MAPK10: variants seen among roughly 807,000 people sequenced by gnomAD.
MAPK10 encodes mitogen-activated protein kinase 10.
MAPK10 carries 25 observed loss-of-function variants against 59.3 expected under a neutral mutation model. The ratio of observed to expected loss-of-function variants is 0.42; its 90% confidence interval spans 0.31 to 0.59. The LOEUF is 0.59. MAPK10 is among the 20% of genes least tolerant of loss of function. MAPK10 has a pLI of 0.15. For synonymous variants in MAPK10, 190 were observed against 200.5 expected (o/e 0.95, Z 0.44); for missense variants, 351 against 568.9 (o/e 0.62, Z 3.90).
intron 1 of MAPK10, among the ~76,000 whole-genome samples, chr4:86,508,077 T>G (rs1421710300): frequency 6.6e-6 from 1 of 152,154 alleles, no homozygotes; most frequent in Non-Finnish European, 1.5e-5. Context: ...TTGTCTTCTT[T>G]TACCCTCCTG....
At chr4:86,259,613 A>C (rs1219350133) in intron 2 of MAPK10, among the ~76,000 whole-genome samples, 1 of 152,152 alleles carries the variant, frequency 6.6e-6, no homozygotes, top group African/African-American at 2.4e-5. Context: ...TATTTATGAT[A>C]GATCAAAGAA....
chr4:86,158,869 G>A (rs4499692), intron 4 of MAPK10, among the ~76,000 whole-genome samples: 12,881 of 151,912 alleles, frequency 0.085, 1,213 homozygotes, highest in African/African-American at 0.23. Context: ...TTCAAACACT[G>A]AATTTGAAAA....
At chr4:86,024,184 C>A (rs1027043345) in intron 13 of MAPK10, 1 of 151,912 alleles carries the variant, frequency 6.6e-6, no homozygotes, top group African/African-American at 2.4e-5. Flanking sequence ...AAATAAGGCT[C>A]CCTTATAGTA....
At chr4:86,311,883 C>T (rs998965979) in intron 2 of MAPK10, among the ~76,000 whole-genome samples, 11 of 152,086 alleles carry the variant, frequency 7.2e-5, no homozygotes, top group African/African-American at 2.7e-4. Context: ...CTCTATCTCT[C>T]GTTCTTCTAC....
At chr4:86,199,289 C>G (rs1388760944) in intron 2 of MAPK10, among the ~76,000 whole-genome samples, 1 of 151,664 alleles carries the variant, frequency 6.6e-6, no homozygotes, top group East Asian at 1.9e-4. Flanking sequence ...TGGAAAAAAA[C>G]AAATATTCAT....
intron 11 of MAPK10, among the ~76,000 whole-genome samples, chr4:86,060,531 AGTG>A (rs2148979102): frequency 6.6e-6 from 1 of 152,218 alleles, no homozygotes; most frequent in East Asian, 1.9e-4. Context: ...CTCCACTCTC[AGTG>A]GTAAAGCCAC....
chr4:86,196,166 C>G (rs2081266472), intron 2 of MAPK10, among the ~76,000 whole-genome samples: 1 of 152,194 alleles, frequency 6.6e-6, no homozygotes, highest in East Asian at 1.9e-4. Context: ...AATGGTTGCA[C>G]TAATTTACAC....
intron 1 of MAPK10, among the ~76,000 whole-genome samples, chr4:86,577,768 A>G (rs968542937): frequency 6.6e-6 from 1 of 152,210 alleles, no homozygotes. Flanking sequence ...AAGGCTGAAT[A>G]TTGACAAAAT....
intron 3 of MAPK10, chr4:86,176,190 T>A (rs1053165459): frequency 1.3e-5 from 2 of 152,144 alleles, no homozygotes; most frequent in Admixed American, 1.3e-4. Flanking sequence ...ATCAGAAGGA[T>A]AATAGAATTA....
At chr4:86,331,356 C>G (rs1410971145) in intron 2 of MAPK10, among the ~76,000 whole-genome samples, 2 of 152,188 alleles carry the variant, frequency 1.3e-5, no homozygotes, top group East Asian at 3.9e-4. Context: ...GGCACGCAGG[C>G]AAAACAGAAC....
intron 10 of MAPK10, 69 bp downstream of exon 10, chr4:86,067,704 C>T (rs2047018251): frequency 3.1e-6 from 4 of 1,300,690 alleles, no homozygotes; most frequent in Admixed American, 2.2e-5. Flanking sequence ...AGATAGAGGT[C>T]TCTATACTGT....
chr4:86,324,639 C>T (rs7349681), intron 2 of MAPK10, among the ~76,000 whole-genome samples: 39,977 of 151,970 alleles, frequency 0.26, 5,394 homozygotes, highest in South Asian at 0.43. Flanking sequence ...TAAATTATTA[C>T]GTTAAAAAGA....
Position 86,056,779 on chromosome 4 carries a change from AT to A in MAPK10, c.1110+7486del, listed in dbSNP as rs1478924019. ...TGAATCTTTAAAATATAAATTAAAT[AT>A]TTTTATTTAGTTGCTATAGTAAATA... On this transcript the variant is annotated intron_variant, in intron 11 of 13. Coordinates refer to ENST00000641462, the MANE Select transcript of MAPK10 (RefSeq NM_138982.4). Among the ~76,000 whole-genome samples the A allele has an allele frequency of 4.0e-5, 6 of 149,282 alleles. 1 individual carries two copies. Among genetic ancestry groups the A allele is most frequent in the Non-Finnish European group, 4.5e-5 (3 of 67,404 alleles).
chr4:86,460,873 C>G (rs1261309729), intron 1 of MAPK10, among the ~76,000 whole-genome samples: 8 of 152,218 alleles, frequency 5.3e-5, no homozygotes, highest in African/African-American at 1.9e-4. Context: ...CACTGGCTTA[C>G]TGTCAATAAA....
chr4:86,082,665 G>T (rs1261860877), intron 9 of MAPK10, among the ~76,000 whole-genome samples: 1 of 152,118 alleles, frequency 6.6e-6, no homozygotes, highest in Non-Finnish European at 1.5e-5. Context: ...GCAAAGGGTA[G>T]ATAACAAGGG....
At chr4:86,518,154 C>T (rs1756840637) in intron 1 of MAPK10, among the ~76,000 whole-genome samples, 1 of 152,208 alleles carries the variant, frequency 6.6e-6, no homozygotes, top group East Asian at 1.9e-4. Flanking sequence ...AGCCGAACAG[C>T]TGGGATTACA....
At chr4:86,518,920 G>A (rs1756910103) in intron 1 of MAPK10, among the ~76,000 whole-genome samples, 4 of 152,060 alleles carry the variant, frequency 2.6e-5, no homozygotes, top group Admixed American at 2.6e-4. Flanking sequence ...TATTTGTATA[G>A]TTTTGAGGGT....
chr4:86,559,769 T>A (rs1760532030), intron 1 of MAPK10, among the ~76,000 whole-genome samples: 1 of 151,898 alleles, frequency 6.6e-6, no homozygotes, highest in Non-Finnish European at 1.5e-5. Context: ...TGAAACCCCG[T>A]CTCTACTAAA....
At chr4:86,333,557 A>T (rs948479133) in intron 2 of MAPK10, among the ~76,000 whole-genome samples, 1 of 152,182 alleles carries the variant, frequency 6.6e-6, no homozygotes, top group East Asian at 1.9e-4. Flanking sequence ...TTTCAGCCTT[A>T]ATCTTCCTTG....
Sources: gnomAD v4.1 joint callset for allele counts (sites outside exome capture counted in the v4.1 genomes callset) on GRCh38, gnomAD v4.1.1 for gene constraint, MANE v1.5 for transcripts, NCBI Gene and HGNC (gene_info 2026-07-23, HGNC 2026-07-21) for gene names.